The following AGRN variants were observed in gnomAD, a reference collection of about 807,000 sequenced individuals.
AGRN encodes the protein agrin proteoglycan.
AGRN carries 106 observed loss-of-function variants against 211.0 expected under a neutral mutation model. That is an observed-to-expected ratio of 0.50 (90% CI 0.43 to 0.59). AGRN has a LOEUF of 0.59. Ranked by LOEUF, AGRN falls within the 20% of genes least tolerant of loss-of-function variation. The pLI is 0.00. For missense variants in AGRN, 3,040 were observed against 2,982.6 expected, an observed-to-expected ratio of 1.02 and a Z score of -0.45; for synonymous variants, 1,525 against 1,332.5, an observed-to-expected ratio of 1.14 and a Z score of -3.15.
In AGRN at chr1:1,051,551, C is replaced by A. The variant is rs2100689188; in HGVS notation, c.5469C>A (p.Gly1823=). 4 of 1,576,074 alleles carry A rather than the reference C, an allele frequency of 2.5e-6. No individual in the cohort carries two copies. Among genetic ancestry groups the A allele is most frequent in the Non-Finnish European group, 3.4e-6 (4 of 1,160,270 alleles). ...GTCACCCCTGCACCCGGGCCTCAGG[C>A]CACCCCTGCCTCAATGGGGCCTCCT... ...FAGHPCTRAS[G]HPCLNGASCV... is the part of the protein sequence containing the mutation. Residue 1823 remains glycine, a synonymous_variant, in exon 32 of 36, where the codon GGC becomes GGA. Coordinates refer to ENST00000379370, the MANE Select transcript of AGRN (RefSeq NM_198576.4).
At chr1:1,037,480 T>C (rs1644828569) in intron 3 of AGRN, among the ~76,000 whole-genome samples, 1 of 152,170 alleles carries the variant, frequency 6.6e-6, no homozygotes, top group South Asian at 2.1e-4. Context: ...TCCCCCAGCC[T>C]ACCCAGGACC....
In AGRN at chr1:1,051,742, T is replaced by A; in HGVS notation, c.5578T>A (p.Ser1860Thr). 6.2e-7 allele frequency: 1 copy of A among 1,613,820 alleles called. No individual in the cohort carries two copies. Among genetic ancestry groups the A allele is most frequent in the Non-Finnish European group, 8.5e-7 (1 of 1,179,966 alleles). Residue 1860 changes from serine to threonine, a missense_variant, in exon 33 of 36, where the codon TCA (serine) becomes ACA (threonine). By Grantham distance (58) the Ser-to-Thr change is moderately conservative. Coordinates refer to ENST00000379370, the MANE Select transcript of AGRN (RefSeq NM_198576.4). ...CTATCTCACAGGGCTGGTGGAGAAG[T>A]CAGCGGGGGACGTGGATACCTTGGC... The part of the protein sequence containing the change: ...PHCEKGLVEK[S>T]AGDVDTLAFD...
Position 1,050,345 on chromosome 1 carries a change from G to C in AGRN, c.4976+16G>C. On this transcript the variant is annotated intron_variant, in intron 28 of 35. Transcript: ENST00000379370. ...GGGACCTGGGGTCGGTGGGGCAGGA[G>C]CAGGGGGAAGGGCCGGCCCCCACCT... is the stretch of plus-strand genomic sequence containing the variant. 1 of 1,612,780 alleles carries C rather than the reference G, an allele frequency of 6.2e-7. No homozygotes were observed. The highest frequency in any genetic ancestry group is 8.5e-7 in the Non-Finnish European group (1 of 1,179,886).
At chr1:1,020,845 T>TTCC (rs1483346395) in intron 1 of AGRN, among the ~76,000 whole-genome samples, 1 of 12,818 alleles carries the variant, frequency 7.8e-5, no homozygotes, top group Non-Finnish European at 2.9e-4. Context: ...GCCGCAGTGG[T>TTCC]GCGGGGGGGG....
rs1253723361 is a variant in AGRN, at chr1:1,049,084, G to C, written c.4298+25G>C. The C allele has an allele frequency of 9.7e-6, 14 of 1,449,478 alleles. No individual in the cohort carries two copies. In the African/African-American group the frequency reaches 1.9e-4, roughly 20 times the overall value. 89.8% of individuals were successfully genotyped at this position (1,449,478 alleles called of 1,614,324 possible). A position where few individuals can be genotyped will look rare whatever the true frequency, so the allele number is the denominator to read the frequency against. On this transcript the variant is annotated intron_variant, in intron 24 of 35. Coordinates refer to ENST00000379370, the MANE Select transcript of AGRN (RefSeq NM_198576.4). ...GGTGGGCGGGGAGGGGACGGGGCCG[G>C]GGCAGCTCAGGTGGGCGGGGAGGGG...
Position 1,039,762 on chromosome 1 carries a change from C to T in AGRN, c.512-903C>T, listed in dbSNP as rs888148115. Among the ~76,000 whole-genome samples the T allele has an allele frequency of 3.3e-5, 5 of 151,840 alleles. No individual in the cohort carries two copies. In the East Asian group the frequency reaches 9.7e-4, roughly 30 times the overall value. The stretch of plus-strand genomic sequence containing the variant: ...TCTCCAAGAAGGAAGTTCGCTTTGA[C>T]AGAGAGTGAGGGCGATGGAGGAGGC... On this transcript the variant is annotated intron_variant, in intron 3 of 35. Coordinates refer to ENST00000379370, the MANE Select transcript of AGRN (RefSeq NM_198576.4).
At chr1:1,024,463 G>A (rs568649015) in intron 2 of AGRN, among the ~76,000 whole-genome samples, 2 of 152,108 alleles carry the variant, frequency 1.3e-5, no homozygotes, top group South Asian at 4.1e-4. Context: ...ATCTGACTCC[G>A]ACCCCACCTC....
intron 2 of AGRN, chr1:1,034,675 C>A: frequency 1.0e-6 from 1 of 989,692 alleles, no homozygotes; most frequent in Non-Finnish European, 1.2e-6. Flanking sequence ...CCACGCTCGG[C>A]TTCGCGGTGC....
At position 1,050,583 on chromosome 1, in the gene AGRN, G is replaced by A. The variant is rs376535149; in HGVS notation, c.5133G>A (p.Ala1711=). The change falls in exon 29 of 36, where the codon GCG becomes GCA. Residue 1711 remains alanine (A), a synonymous_variant. Transcript: ENST00000379370. The part of the protein sequence containing the change: ...EFRYDLGKGA[A]VIRSREPVTL... The stretch of plus-strand genomic sequence containing the variant: ...GCTACGACCTGGGCAAGGGGGCAGC[G>A]GTCATCAGGTGGGCCGGCAAGGGTG... 8.9e-5 allele frequency: 144 copies of A among 1,609,292 alleles called. No homozygotes were observed. The highest frequency in any genetic ancestry group is 2.2e-4 in the East Asian group (10 of 44,780).
In AGRN at chr1:1,056,064, T is replaced by G. The variant is rs1645442177; in HGVS notation, c.*1083T>G. 6.6e-6 allele frequency: 1 copy of G among 152,336 alleles called. No individual in the cohort carries two copies. Among genetic ancestry groups the G allele is most frequent in the Admixed American group, 6.5e-5 (1 of 15,290 alleles). The allele number at this position is 152,336 out of a possible 1,614,324, so 9.4% of individuals were successfully genotyped here. A position where few individuals can be genotyped will look rare whatever the true frequency, so the allele number is the denominator to read the frequency against. ...TGGGGCTGGGTGCCGTGTTACTAACTCTAGTATGTTTCTGTGTCAATCGCT... is the reference window on the plus strand; with the variant it reads ...TGGGGCTGGGTGCCGTGTTACTAACGCTAGTATGTTTCTGTGTCAATCGCT... On this transcript the variant is annotated 3_prime_UTR_variant, in exon 36 of 36. Coordinates refer to ENST00000379370, the MANE Select transcript of AGRN (RefSeq NM_198576.4).
chr1:1,034,996 A>G, intron 2 of AGRN: 1 of 557,140 alleles, frequency 1.8e-6, no homozygotes, highest in Non-Finnish European at 3.2e-6. Context: ...GGACTCTTCC[A>G]GGGAAGGGGG....
rs148420980 is a variant in AGRN at position 1,042,027 on chromosome 1, G to A, written c.1249G>A (p.Asp417Asn). Reference protein sequence around the residue: ...SRRGRPRCSCDRVTCDGAYRP... With the variant: ...SRRGRPRCSCNRVTCDGAYRP... ...CCGTGGCCGTCCCCGCTGCTCCTGC[G>A]ACCGCGTCACCTGTGACGGGGCCTA... Residue 417 changes from aspartate (D) to asparagine (N), a missense_variant, in exon 7 of 36, where the codon GAC becomes AAC. By Grantham distance (23) the Asp-to-Asn change is conservative. Transcript: ENST00000379370. 35 of 1,610,316 alleles carry A rather than the reference G, an allele frequency of 2.2e-5. No homozygotes were observed. The highest frequency in any genetic ancestry group is 1.6e-4 in the Middle Eastern group (1 of 6,084).
At chr1:1,052,668 C>T (rs1434633488) in intron 33 of AGRN, 1 of 159,104 alleles carries the variant, frequency 6.3e-6, no homozygotes, top group Non-Finnish European at 1.3e-5. Context: ...TGCATGGGTC[C>T]ATGTGTGTAT....
rs764063704 is a variant in AGRN, at chr1:1,042,001, G to C, written c.1223G>C (p.Arg408Pro). The change falls in exon 7 of 36, where the codon CGC becomes CCC. Residue 408 changes from arginine (R) to proline (P), a missense_variant. Transcript: ENST00000379370. ...CGGTTCAATGCCGTGTGCCTGTCCC[G>C]CCGTGGCCGTCCCCGCTGCTCCTGC... ...PCRFNAVCLS[R>P]RGRPRCSCDR... is the part of the protein sequence containing the mutation. The C allele has an allele frequency of 6.2e-7, 1 of 1,611,372 alleles. No homozygotes were observed. Among genetic ancestry groups the C allele is most frequent in the Non-Finnish European group, 8.5e-7 (1 of 1,179,666 alleles).
In AGRN at chr1:1,032,781, A is replaced by G. The variant is rs953880920; in HGVS notation, c.464-2496A>G. Among the ~76,000 whole-genome samples the G allele has an allele frequency of 2.6e-5, 4 of 152,060 alleles. No individual in the cohort carries two copies. Among genetic ancestry groups the G allele is most frequent in the African/African-American group, 9.7e-5 (4 of 41,412 alleles). ...CAGGGACAGAGGAGAGGGCAGGGTA[A>G]TGGGTGCGCAGGGGTCCCTTCCAAA... On this transcript the variant is annotated intron_variant, in intron 2 of 35. Coordinates refer to ENST00000379370, the MANE Select transcript of AGRN (RefSeq NM_198576.4). This position sits in a 1 kb window ranked among gnomAD's most constrained non-coding sequence, Gnocchi z 4.7.
rs115015897 is a variant in AGRN at position 1,026,587 on chromosome 1, G to A, written c.463+4125G>A. Among the ~76,000 whole-genome samples the A allele has an allele frequency of 8.4e-3, 1,283 of 152,260 alleles. 17 individuals are homozygous for A. The highest frequency in any genetic ancestry group is 0.029 in the African/African-American group (1,225 of 41,558). ...GCTTTGCTTCCACCTGTGGGACCCA[G>A]GTCCACAGCCCCACCAGCGGCCTGG... is the stretch of plus-strand genomic sequence containing the variant. On this transcript the variant is annotated intron_variant, in intron 2 of 35. Coordinates refer to ENST00000379370, the MANE Select transcript of AGRN (RefSeq NM_198576.4).
chr1:1,051,062 C>G lies in AGRN; in HGVS notation c.5254-191C>G, dbSNP rs1296815697. 7 of 1,548,756 alleles carry G rather than the reference C, an allele frequency of 4.5e-6. No individual in the cohort carries two copies. In the Admixed American group the frequency reaches 1.4e-4, roughly 30 times the overall value. ...CCGCAAGGTACTGTCGGCCTCTCATCCGCTCACCGTCTCTGGCGCCTCAAC... is the reference window on the plus strand; with the variant it reads ...CCGCAAGGTACTGTCGGCCTCTCATGCGCTCACCGTCTCTGGCGCCTCAAC... On this transcript the variant is annotated intron_variant, in intron 30 of 35. Coordinates refer to ENST00000379370, the MANE Select transcript of AGRN (RefSeq NM_198576.4).
rs756710837 is a variant in AGRN, at chr1:1,040,672, G to C, written c.519G>C (p.Arg173=). The change falls in exon 4 of 36, where the codon CGG becomes CGC. Residue 173 remains arginine, a synonymous_variant. Coordinates refer to ENST00000379370, the MANE Select transcript of AGRN (RefSeq NM_198576.4). ...PVPPTPPDAC[R]GMLCGFGAVC... is the part of the protein sequence containing the mutation. ...CTCCCCTACCCGCCCCAGCGTGCCG[G>C]GGAATGCTGTGCGGCTTCGGCGCCG... 44 of 1,547,564 alleles carry C rather than the reference G, an allele frequency of 2.8e-5. No individual in the cohort carries two copies. In the African/African-American group the frequency reaches 5.5e-4, roughly 19 times the overall value.
chr1:1,020,502 GC>G (rs1012888906), intron 1 of AGRN, 129 bp downstream of exon 1: 2 of 896,772 alleles, frequency 2.2e-6, no homozygotes, highest in African/African-American at 3.5e-5. Flanking sequence ...CGACCGCCAA[GC>G]CCCGGGAGGG....
Sources: gnomAD v4.1 joint callset for allele counts (sites outside exome capture counted in the v4.1 genomes callset) on GRCh38, gnomAD v4.1.1 for gene constraint, Gnocchi (gnomAD v3.1) non-coding constraint, MANE v1.5 for transcripts, NCBI Gene and HGNC (gene_info 2026-07-23, HGNC 2026-07-21) for gene names.